LRRTM4: variants seen among roughly 807,000 people sequenced by gnomAD.
LRRTM4 encodes leucine-rich repeat transmembrane neuronal protein 4.
LRRTM4 carries 25 observed loss-of-function variants against 47.6 expected under a neutral mutation model. The observed-to-expected ratio is 0.53, with a 90% CI of 0.38 to 0.73. The LOEUF is 0.73. LRRTM4 is among the 30% of genes least tolerant of loss of function. LRRTM4 has a pLI of 0.00. For synonymous variants in LRRTM4, 311 were observed against 269.5 expected (o/e 1.15, Z -1.51); for missense variants, 638 against 713.4 (o/e 0.89, Z 1.20).
At chr2:77,025,933 A>C (rs779720308) in intron 3 of LRRTM4, among the ~76,000 whole-genome samples, 1 of 152,156 alleles carries the variant, frequency 6.6e-6, no homozygotes, top group African/African-American at 2.4e-5. Context: ...AATATTGATA[A>C]ATTATCTTGC....
At chr2:77,317,013 T>A (rs1677638224) in intron 3 of LRRTM4, among the ~76,000 whole-genome samples, 1 of 152,130 alleles carries the variant, frequency 6.6e-6, no homozygotes, top group Non-Finnish European at 1.5e-5. Context: ...GGAACTGACC[T>A]AAGAAATCAA....
At chr2:77,251,017 C>A (rs1476189986) in intron 3 of LRRTM4, among the ~76,000 whole-genome samples, 3 of 151,798 alleles carry the variant, frequency 2.0e-5, no homozygotes, top group African/African-American at 7.3e-5. Context: ...GCAGGAGAAT[C>A]CCTTGAACCT....
At chr2:76,902,849 A>T (rs1380417566) in intron 3 of LRRTM4, among the ~76,000 whole-genome samples, 1 of 152,168 alleles carries the variant, frequency 6.6e-6, no homozygotes. Context: ...GTGCATTTGA[A>T]TGAAGTTTTC....
intron 3 of LRRTM4, among the ~76,000 whole-genome samples, chr2:77,232,727 C>G (rs892025429): frequency 1.3e-5 from 2 of 152,048 alleles, no homozygotes; most frequent in African/African-American, 4.8e-5. Flanking sequence ...TGCAAACAGT[C>G]AATACTTATG....
rs1335489274 is a variant in LRRTM4 at position 76,834,010 on chromosome 2, CATTT to C, written c.1552-85098_1552-85095del. 5.4e-5 allele frequency among the ~76,000 whole-genome samples: 7 copies of C among 130,676 alleles called. No individual in the cohort carries two copies. The South Asian group carries it at 8.1e-4, about 15-fold the overall frequency. 85.7% of individuals were successfully genotyped at this position (130,676 alleles called of 152,430 possible). A position where few individuals can be genotyped will look rare whatever the true frequency, so the allele number is the denominator to read the frequency against. On this transcript the variant is annotated intron_variant, in intron 3 of 3. Coordinates refer to ENST00000409884, the MANE Select transcript of LRRTM4 (RefSeq NM_001134745.3). ...CTTAGTGGAGCAAGCCCTTGTTTTT[CATTT>C]ATTTATTATTTATTTATTTATTTAT...
At chr2:76,970,388 A>G (rs763713596) in intron 3 of LRRTM4, among the ~76,000 whole-genome samples, 1 of 151,990 alleles carries the variant, frequency 6.6e-6, no homozygotes, top group South Asian at 2.1e-4. Context: ...GAATAGTGAA[A>G]AAATCATTCT....
At chr2:77,181,776 G>C (rs965420549) in intron 3 of LRRTM4, among the ~76,000 whole-genome samples, 1 of 151,910 alleles carries the variant, frequency 6.6e-6, no homozygotes. Context: ...GGGGAGGAAA[G>C]GCAATTTAAC....
chr2:77,501,346 C>T (rs1301449162), intron 3 of LRRTM4, among the ~76,000 whole-genome samples: 2 of 150,158 alleles, frequency 1.3e-5, no homozygotes, highest in Admixed American at 6.7e-5. Flanking sequence ...ATACATAGTC[C>T]ATACGCATAA....
chr2:76,943,526 G>T (rs1675221925), intron 3 of LRRTM4, among the ~76,000 whole-genome samples: 1 of 152,204 alleles, frequency 6.6e-6, no homozygotes, highest in Non-Finnish European at 1.5e-5. Context: ...ACTGGCAACA[G>T]TTATTGTGCC....
At chr2:76,851,331 ACAAC>A (rs1282489981) in intron 3 of LRRTM4, among the ~76,000 whole-genome samples, 7 of 152,210 alleles carry the variant, frequency 4.6e-5, no homozygotes, top group Non-Finnish European at 7.3e-5. Context: ...GAAAAGCTTA[ACAAC>A]CACTTTACCT....
chr2:77,243,753 T>C (rs1214791317), intron 3 of LRRTM4, among the ~76,000 whole-genome samples: 1 of 123,994 alleles, frequency 8.1e-6, no homozygotes, highest in Non-Finnish European at 1.6e-5. Flanking sequence ...TGATACCATA[T>C]CCCTTTTTTT....
chr2:77,413,498 A>T (rs545102973), intron 3 of LRRTM4, among the ~76,000 whole-genome samples: 13 of 152,258 alleles, frequency 8.5e-5, no homozygotes, highest in African/African-American at 3.1e-4. Context: ...TGAATGTAGT[A>T]TTTGCCCTAT....
At chr2:77,367,429 T>C (rs1672504891) in intron 3 of LRRTM4, among the ~76,000 whole-genome samples, 1 of 151,890 alleles carries the variant, frequency 6.6e-6, no homozygotes, top group Admixed American at 6.6e-5. Flanking sequence ...ACAACTTGTT[T>C]AGAATTTAAG....
chr2:77,269,630 A>G (rs934723640), intron 3 of LRRTM4, among the ~76,000 whole-genome samples: 1 of 152,244 alleles, frequency 6.6e-6, no homozygotes, highest in African/African-American at 2.4e-5. Context: ...AATGAAAGAA[A>G]AAAAGGTTTT....
chr2:77,380,246 CTA>C, intron 3 of LRRTM4, among the ~76,000 whole-genome samples: 1 of 152,170 alleles, frequency 6.6e-6, no homozygotes, highest in East Asian at 1.9e-4. Flanking sequence ...TTTTAAAACA[CTA>C]TTAAGTGTTG....
intron 3 of LRRTM4, among the ~76,000 whole-genome samples, chr2:77,409,426 C>G (rs757986059): frequency 2.8e-4 from 42 of 152,262 alleles, no homozygotes; most frequent in Middle Eastern, 3.4e-3. Context: ...CTTCATTAAG[C>G]CTCTTTACTA....
intron 3 of LRRTM4, among the ~76,000 whole-genome samples, chr2:76,760,221 C>T (rs568550420): frequency 5.3e-4 from 80 of 152,246 alleles, no homozygotes; most frequent in Non-Finnish European, 9.6e-4. Flanking sequence ...TCACAGGCCA[C>T]CGTTTTCAGT....
intron 3 of LRRTM4, among the ~76,000 whole-genome samples, chr2:77,149,372 T>C (rs1050253306): frequency 2.0e-4 from 31 of 152,250 alleles, no homozygotes; most frequent in African/African-American, 6.7e-4. Flanking sequence ...ATGTGGCTCA[T>C]ATTTATGTCT....
At chr2:77,107,372 G>T (rs1349386565) in intron 3 of LRRTM4, among the ~76,000 whole-genome samples, 1 of 152,106 alleles carries the variant, frequency 6.6e-6, no homozygotes, top group African/African-American at 2.4e-5. Flanking sequence ...GAACGTCAGA[G>T]AATCTTTTAT....
Sources: allele counts gnomAD v4.1 joint callset (sites outside exome capture counted in the v4.1 genomes callset), GRCh38; gene constraint gnomAD v4.1.1; transcripts MANE v1.5; gene names NCBI Gene and HGNC (gene_info 2026-07-23, HGNC 2026-07-21).